TLL1: variants seen among roughly 807,000 people sequenced by gnomAD.
TLL1 encodes the protein tolloid like 1.
TLL1 carries 49 observed loss-of-function variants against 128.2 expected under a neutral mutation model. That is an observed-to-expected ratio of 0.38 (90% CI 0.30 to 0.48). The LOEUF (loss-of-function observed/expected upper bound fraction) is 0.48. Among genes scored for constraint, TLL1 ranks in the 20% least tolerant of loss-of-function variants. The probability of loss-of-function intolerance (pLI) is 0.96; values close to 1 mark genes in which losing one functional copy is unlikely to be tolerated. For missense variants in TLL1, 1,123 were observed against 1,242.0 expected, an observed-to-expected ratio of 0.90 and a Z score of 1.44; for synonymous variants, 454 against 418.8, an observed-to-expected ratio of 1.08 and a Z score of -1.03.
At chr4:165,950,849 T>C (rs1276556174) in intron 1 of TLL1, among the ~76,000 whole-genome samples, 1 of 151,960 alleles carries the variant, frequency 6.6e-6, no homozygotes, top group African/African-American at 2.4e-5. Context: ...ACCTACAGAA[T>C]CTGGAAAAAG....
At chr4:165,902,188 G>A (rs544563759) in intron 1 of TLL1, among the ~76,000 whole-genome samples, 2 of 152,114 alleles carry the variant, frequency 1.3e-5, no homozygotes, top group Non-Finnish European at 2.9e-5. Flanking sequence ...GCTCCATGTG[G>A]GTGTGATCTG....
chr4:165,894,755 G>T (rs1245600552), intron 1 of TLL1, among the ~76,000 whole-genome samples: 1 of 151,952 alleles, frequency 6.6e-6, no homozygotes, highest in Non-Finnish European at 1.5e-5. Context: ...TTTTTCATGG[G>T]TGACTATTAT....
At chr4:166,030,732 A>G in intron 9 of TLL1, 1 of 1,171,714 alleles carries the variant, frequency 8.5e-7, no homozygotes, top group Non-Finnish European at 1.1e-6. Flanking sequence ...TTTGTTAAAG[A>G]TTTACTAAAT....
At chr4:166,015,047 G>A (rs987999210) in intron 8 of TLL1, among the ~76,000 whole-genome samples, 1 of 151,896 alleles carries the variant, frequency 6.6e-6, no homozygotes, top group Non-Finnish European at 1.5e-5. Flanking sequence ...CTAACCGGTT[G>A]CAAGTGAACT....
At chr4:166,090,837 T>A (rs1416965437) in intron 18 of TLL1, among the ~76,000 whole-genome samples, 2 of 152,072 alleles carry the variant, frequency 1.3e-5, no homozygotes, top group Non-Finnish European at 2.9e-5. Context: ...CAGAATAAAA[T>A]ACCATTTTTT....
intron 16 of TLL1, among the ~76,000 whole-genome samples, chr4:166,072,537 C>A (rs1428922442): frequency 6.6e-6 from 1 of 151,602 alleles, no homozygotes; most frequent in Non-Finnish European, 1.5e-5. Context: ...CAATTGGTTT[C>A]ATTTTTAATT....
chr4:165,992,730 TG>T (rs1736703281), intron 2 of TLL1, 73 bp from the exon 3 acceptor site: 4 of 1,299,456 alleles, frequency 3.1e-6, no homozygotes, highest in Non-Finnish European at 4.5e-6. Flanking sequence ...AAATCATTGT[TG>T]CCTATGACTG....
chr4:166,033,658 C>G (rs552050770), intron 9 of TLL1, among the ~76,000 whole-genome samples: 4 of 152,142 alleles, frequency 2.6e-5, no homozygotes, highest in Admixed American at 2.6e-4. Flanking sequence ...CATATTATAC[C>G]ACAATTTAAA....
In TLL1 at chr4:165,908,831, G is replaced by A. The variant is rs1338077200; in HGVS notation, c.169+34758G>A. Among the ~76,000 whole-genome samples the A allele has an allele frequency of 3.9e-5, 6 of 152,122 alleles. No individual in the cohort carries two copies. The East Asian group carries it at 7.7e-4, about 20-fold the overall frequency. On this transcript the variant is annotated intron_variant, in intron 1 of 20. Coordinates refer to ENST00000061240, the MANE Select transcript of TLL1 (RefSeq NM_012464.5). ...GGCACAGGCCAAAGTGTTAGTTATGGAGGGAAGTATATGGATTCTGGATGT... is the reference window on the plus strand; with the variant it reads ...GGCACAGGCCAAAGTGTTAGTTATGAAGGGAAGTATATGGATTCTGGATGT...
At position 166,101,870 on chromosome 4, in the gene TLL1, G is replaced by T. The variant is rs1466385276; in HGVS notation, c.*994G>T. ...TTGAAATGAAGCAGAAGTAGGCCTTGTGAGAACTGAAAGGTCTCTTTCATT... is the reference window on the plus strand; with the variant it reads ...TTGAAATGAAGCAGAAGTAGGCCTTTTGAGAACTGAAAGGTCTCTTTCATT... On this transcript the variant is annotated 3_prime_UTR_variant, in exon 21 of 21. Transcript: ENST00000061240. 2 of 152,384 alleles carry T rather than the reference G, an allele frequency of 1.3e-5. No individual in the cohort carries two copies. Among genetic ancestry groups the T allele is most frequent in the Non-Finnish European group, 2.9e-5 (2 of 67,940 alleles). 9.4% of individuals were successfully genotyped at this position (152,384 alleles called of 1,614,324 possible). A position where few individuals can be genotyped will look rare whatever the true frequency, so the allele number is the denominator to read the frequency against.
intron 19 of TLL1, among the ~76,000 whole-genome samples, chr4:166,097,205 C>G (rs529648611): frequency 2.6e-5 from 4 of 152,142 alleles, no homozygotes; most frequent in African/African-American, 9.6e-5. Flanking sequence ...ACTGGGAGTT[C>G]CATCCCAAGA....
At chr4:165,949,477 T>C (rs563751336) in intron 1 of TLL1, among the ~76,000 whole-genome samples, 124 of 152,292 alleles carry the variant, frequency 8.1e-4, no homozygotes, top group Non-Finnish European at 1.6e-3. Flanking sequence ...TAAGCCACTC[T>C]GCTAATTTGC....
intron 8 of TLL1, among the ~76,000 whole-genome samples, chr4:166,023,164 C>T (rs1236362170): frequency 6.6e-6 from 1 of 152,054 alleles, no homozygotes; most frequent in Non-Finnish European, 1.5e-5. Context: ...TTTGGGAGGC[C>T]GAGGCAGGTG....
At chr4:165,933,996 A>T (rs1733651954) in intron 1 of TLL1, among the ~76,000 whole-genome samples, 1 of 151,654 alleles carries the variant, frequency 6.6e-6, no homozygotes, top group Non-Finnish European at 1.5e-5. Context: ...GGTGACGTTC[A>T]TCCTCTCTTT....
At chr4:166,087,365 A>T (rs1412289361) in intron 18 of TLL1, among the ~76,000 whole-genome samples, 1 of 152,196 alleles carries the variant, frequency 6.6e-6, no homozygotes, top group Non-Finnish European at 1.5e-5. Context: ...GATCACAGTT[A>T]TAGAGGACTC....
At chr4:165,974,133 C>CTTTATTTTTTT (rs1735760652) in intron 1 of TLL1, among the ~76,000 whole-genome samples, 1 of 60,748 alleles carries the variant, frequency 1.6e-5, no homozygotes, top group Non-Finnish European at 2.6e-5. Flanking sequence ...TGGACCTCAT[C>CTTTATTTTTTT]TTTTTTTTTT....
intron 7 of TLL1, among the ~76,000 whole-genome samples, chr4:166,008,886 T>A (rs1407610835): frequency 6.6e-6 from 1 of 151,368 alleles, no homozygotes; most frequent in East Asian, 1.9e-4. Context: ...GGGAAAAATA[T>A]TCAAATGTAT....
chr4:166,039,386 C>T lies in TLL1; in HGVS notation c.1206C>T (p.Cys402=). 6.2e-7 allele frequency: 1 copy of T among 1,613,312 alleles called. No individual in the cohort carries two copies. Among genetic ancestry groups the T allele is most frequent in the Non-Finnish European group, 8.5e-7 (1 of 1,179,584 alleles). ...TTMDLYKSSL[C]WYDYIEVRDG... ...TGGATCTATACAAGAGTAGTTTGTG[C>T]TGGTATGACTATATTGAAGTAAGAG... Residue 402 remains cysteine (C), a synonymous_variant, in exon 10 of 21, where the codon TGC becomes TGT. Coordinates refer to ENST00000061240, the MANE Select transcript of TLL1 (RefSeq NM_012464.5).
At chr4:166,090,355 T>C (rs1409439139) in intron 18 of TLL1, among the ~76,000 whole-genome samples, 7 of 152,066 alleles carry the variant, frequency 4.6e-5, no homozygotes, top group Admixed American at 4.6e-4. Flanking sequence ...TCAATTAAAC[T>C]TTGCTTTGTG....
Sources: allele counts gnomAD v4.1 joint callset (sites outside exome capture counted in the v4.1 genomes callset), GRCh38; gene constraint gnomAD v4.1.1; transcripts MANE v1.5; gene names NCBI Gene and HGNC (gene_info 2026-07-23, HGNC 2026-07-21).